Variants in ZDHHC14 observed in about 807,000 individuals in gnomAD.
ZDHHC14 encodes the protein palmitoyltransferase ZDHHC14.
A neutral mutation model predicts 47.7 loss-of-function variants in ZDHHC14; 16 were observed. That is an observed-to-expected ratio of 0.34 (90% confidence interval 0.23 to 0.51). The LOEUF is 0.51. Ranked by LOEUF, ZDHHC14 falls within the 20% of genes least tolerant of loss-of-function variation. The probability of loss-of-function intolerance (pLI) is 0.97; values close to 1 mark genes in which losing one functional copy is unlikely to be tolerated. For synonymous variants in ZDHHC14, 293 were observed against 278.9 expected, an observed-to-expected ratio of 1.05 and a Z score of -0.50; for missense variants, 515 against 662.5, an observed-to-expected ratio of 0.78 and a Z score of 2.44.
At chr6:157,626,260 T>C (rs962186503) in intron 3 of ZDHHC14, among the ~76,000 whole-genome samples, 2 of 152,164 alleles carry the variant, frequency 1.3e-5, no homozygotes, top group African/African-American at 4.8e-5. Flanking sequence ...CTAGAGTGAA[T>C]AGGAGATTCC....
At chr6:157,542,859 G>T in intron 2 of ZDHHC14, 114 bp downstream of exon 2, 1 of 1,334,298 alleles carries the variant, frequency 7.5e-7, no homozygotes, top group Non-Finnish European at 1.0e-6. Flanking sequence ...GAAGGAAGGA[G>T]GCCAGAAGTC....
intron 3 of ZDHHC14, among the ~76,000 whole-genome samples, chr6:157,616,728 C>T (rs548129124): frequency 5.3e-5 from 8 of 152,314 alleles, no homozygotes; most frequent in South Asian, 2.1e-4. Flanking sequence ...GGGGATCAGA[C>T]GTCCGGGTGC....
At chr6:157,492,581 T>C (rs554155651) in intron 1 of ZDHHC14, among the ~76,000 whole-genome samples, 2 of 152,358 alleles carry the variant, frequency 1.3e-5, no homozygotes, top group South Asian at 2.1e-4. Flanking sequence ...CGCTGTTTCT[T>C]GTCCATTCAA....
At chr6:157,538,468 C>T (rs751944988) in intron 1 of ZDHHC14, among the ~76,000 whole-genome samples, 9 of 152,208 alleles carry the variant, frequency 5.9e-5, no homozygotes, top group Non-Finnish European at 1.2e-4. Flanking sequence ...TCAGGTGTTA[C>T]AGTAAAATTC....
chr6:157,545,630 C>T (rs1344793677), intron 2 of ZDHHC14, among the ~76,000 whole-genome samples: 12 of 151,426 alleles, frequency 7.9e-5, no homozygotes, highest in African/African-American at 2.2e-4. Context: ...GCCGAGATCA[C>T]GCCACTGCAC....
chr6:157,470,389 T>C (rs1779326214), intron 1 of ZDHHC14, among the ~76,000 whole-genome samples: 1 of 152,210 alleles, frequency 6.6e-6, no homozygotes, highest in Non-Finnish European at 1.5e-5. Flanking sequence ...GCTCCTGAGA[T>C]TAAGTAAACT....
chr6:157,487,066 A>G (rs972945467), intron 1 of ZDHHC14, among the ~76,000 whole-genome samples: 1 of 152,194 alleles, frequency 6.6e-6, no homozygotes, highest in South Asian at 2.1e-4. Flanking sequence ...TAAAAGAGCA[A>G]ACTTTGAACT....
intron 1 of ZDHHC14, among the ~76,000 whole-genome samples, chr6:157,471,023 G>C (rs186265253): frequency 1.8e-4 from 28 of 152,316 alleles, no homozygotes; most frequent in African/African-American, 6.7e-4. Context: ...TGGGTTACCA[G>C]GTCAGTCTCT....
intron 3 of ZDHHC14, among the ~76,000 whole-genome samples, chr6:157,596,497 TAAGTTTGA>T (rs1216031471): frequency 2.0e-5 from 3 of 152,106 alleles, no homozygotes; most frequent in Non-Finnish European, 4.4e-5. Context: ...CTTTGTTAAA[TAAGTTTGA>T]AAGTCATAGG....
chr6:157,546,878 G>A (rs1035324070), intron 2 of ZDHHC14, among the ~76,000 whole-genome samples: 2 of 152,276 alleles, frequency 1.3e-5, no homozygotes, highest in East Asian at 1.9e-4. Flanking sequence ...GTCCTGACCC[G>A]ATGCTGAGAC....
At chr6:157,543,413 T>A (rs1562471770) in intron 2 of ZDHHC14, among the ~76,000 whole-genome samples, 1 of 152,168 alleles carries the variant, frequency 6.6e-6, no homozygotes, top group African/African-American at 2.4e-5. Flanking sequence ...TGTGAATGTA[T>A]AGCTTTGCTG....
chr6:157,388,133 T>C (rs1777354269), intron 1 of ZDHHC14, among the ~76,000 whole-genome samples: 1 of 152,230 alleles, frequency 6.6e-6, no homozygotes. Flanking sequence ...AATAAAGCAC[T>C]CTGGGATATA....
At chr6:157,434,747 C>A (rs775026140) in intron 1 of ZDHHC14, among the ~76,000 whole-genome samples, 1 of 152,092 alleles carries the variant, frequency 6.6e-6, no homozygotes, top group East Asian at 1.9e-4. Flanking sequence ...GGGGAGGAGC[C>A]GGACTTTTAA....
chr6:157,624,020 G>A (rs528557138), intron 3 of ZDHHC14, among the ~76,000 whole-genome samples: 1 of 152,298 alleles, frequency 6.6e-6, no homozygotes, highest in Non-Finnish European at 1.5e-5. Flanking sequence ...ACACAGGACA[G>A]CCATTCAATT....
intron 1 of ZDHHC14, among the ~76,000 whole-genome samples, chr6:157,490,967 G>A (rs1779899463): frequency 6.6e-6 from 1 of 152,186 alleles, no homozygotes; most frequent in South Asian, 2.1e-4. Flanking sequence ...CAGGGAGTGG[G>A]GGCGCAGAGG....
Position 157,427,284 on chromosome 6 carries a change from A to G in ZDHHC14, c.245+45018A>G, listed in dbSNP as rs989193260. 2.0e-5 allele frequency among the ~76,000 whole-genome samples: 3 copies of G among 152,134 alleles called. No homozygotes were observed. Among genetic ancestry groups the G allele is most frequent in the Admixed American group, 1.3e-4 (2 of 15,270 alleles). On this transcript the variant is annotated intron_variant, in intron 1 of 8. Coordinates refer to ENST00000359775, the MANE Select transcript of ZDHHC14 (RefSeq NM_024630.3). The surrounding 1 kb of genome is among the most constrained non-coding windows in gnomAD (Gnocchi z 4.4). ...CAGTGTGATGGTTGATTTTAAACAT[A>G]ATACAGCAAGTGGGCAGAGATGTGA...
chr6:157,648,581 C>A (rs1777671617), intron 7 of ZDHHC14, among the ~76,000 whole-genome samples: 1 of 152,066 alleles, frequency 6.6e-6, no homozygotes, highest in Non-Finnish European at 1.5e-5. Context: ...GCCCAGCATG[C>A]CACTGTCCTC....
intron 5 of ZDHHC14, among the ~76,000 whole-genome samples, chr6:157,633,237 C>T (rs997895779): frequency 2.6e-5 from 4 of 152,168 alleles, no homozygotes; most frequent in African/African-American, 7.2e-5. Flanking sequence ...GGGATGCCCA[C>T]GTGTGGGTTG....
At chr6:157,448,130 C>T (rs1005575493) in intron 1 of ZDHHC14, among the ~76,000 whole-genome samples, 21 of 152,192 alleles carry the variant, frequency 1.4e-4, no homozygotes, top group Admixed American at 1.2e-3. Context: ...CCTCCCACCC[C>T]AGCCTCCCAA....
Sources: gnomAD v4.1 joint callset for allele counts (sites outside exome capture counted in the v4.1 genomes callset) on GRCh38, gnomAD v4.1.1 for gene constraint, Gnocchi (gnomAD v3.1) non-coding constraint, MANE v1.5 for transcripts, NCBI Gene and HGNC (gene_info 2026-07-23, HGNC 2026-07-21) for gene names.